Variants in ADCY2 observed in about 807,000 individuals in gnomAD.
ADCY2 encodes the protein adenylate cyclase type 2.
In ADCY2, 31 loss-of-function variants were observed where a neutral mutation model predicts 125.2. The ratio of observed to expected loss-of-function variants is 0.25; its 90% CI spans 0.19 to 0.33. The LOEUF (loss-of-function observed/expected upper bound fraction) is 0.33, where lower values mean the gene tolerates loss of function less well. Among genes scored for constraint, ADCY2 ranks in the 10% least tolerant of loss-of-function variants. ADCY2 has a pLI of 1.00. For missense variants in ADCY2, 904 were observed against 1,418.2 expected (o/e 0.64, Z 5.82); for synonymous variants, 512 against 548.4 (o/e 0.93, Z 0.93).
chr5:7,510,014 G>A (rs770395448), intron 2 of ADCY2, among the ~76,000 whole-genome samples: 20 of 152,260 alleles, frequency 1.3e-4, no homozygotes, highest in Non-Finnish European at 1.9e-4. Flanking sequence ...AGAGCTCTCC[G>A]TCAGTAAAAC....
chr5:7,437,071 C>T (rs566159962), intron 2 of ADCY2, among the ~76,000 whole-genome samples: 1 of 152,152 alleles, frequency 6.6e-6, no homozygotes, highest in Non-Finnish European at 1.5e-5. Context: ...GGGGCCCGTG[C>T]TTCCCTCCAT....
At chr5:7,776,897 T>TG (rs2126487787) in intron 18 of ADCY2, among the ~76,000 whole-genome samples, 2 of 152,310 alleles carry the variant, frequency 1.3e-5, no homozygotes, top group South Asian at 4.1e-4. Flanking sequence ...TCCAGGGTTC[T>TG]TAGTACAGAA....
At chr5:7,448,656 C>T (rs1286922113) in intron 2 of ADCY2, among the ~76,000 whole-genome samples, 4 of 152,038 alleles carry the variant, frequency 2.6e-5, no homozygotes, top group Non-Finnish European at 2.9e-5. Context: ...AACAGGTCCT[C>T]GTGTGTGTTG....
rs1579365956 is a variant in ADCY2 at position 7,730,215 on chromosome 5, C to A, written c.1871+2954C>A. On this transcript the variant is annotated intron_variant, in intron 14 of 24. Coordinates refer to ENST00000338316, the MANE Select transcript of ADCY2 (RefSeq NM_020546.3). ...CAAGTTGCTGCAAAAGATATTATTTCTTTTATTTTTTTGGCAGAGTAATTT... is the reference window on the plus strand; with the variant it reads ...CAAGTTGCTGCAAAAGATATTATTTATTTTATTTTTTTGGCAGAGTAATTT... 2.0e-5 allele frequency among the ~76,000 whole-genome samples: 3 copies of A among 152,266 alleles called. No homozygotes were observed. The East Asian group carries it at 5.8e-4, about 29-fold the overall frequency.
chr5:7,475,325 C>A (rs576879761), intron 2 of ADCY2, among the ~76,000 whole-genome samples: 15 of 151,710 alleles, frequency 9.9e-5, no homozygotes, highest in South Asian at 6.3e-4. Flanking sequence ...ATGGAGAGGG[C>A]GGATGTGAAG....
At chr5:7,397,264 G>C (rs1478238701) in intron 1 of ADCY2, among the ~76,000 whole-genome samples, 1 of 152,066 alleles carries the variant, frequency 6.6e-6, no homozygotes, top group African/African-American at 2.4e-5. Context: ...GCTGATGTCA[G>C]TTTTGCCAGT....
chr5:7,589,752 G>A (rs544084509), intron 3 of ADCY2, among the ~76,000 whole-genome samples: 29 of 152,240 alleles, frequency 1.9e-4, no homozygotes, highest in African/African-American at 6.3e-4. Context: ...CCAGGGCACA[G>A]AGATGGGCTG....
rs748295491 is a variant in ADCY2, at chr5:7,707,694, A to T, written c.1269-12A>T. On this transcript the variant is annotated splice_polypyrimidine_tract_variant and intron_variant, in intron 8 of 24. Coordinates refer to ENST00000338316, the MANE Select transcript of ADCY2 (RefSeq NM_020546.3). The stretch of plus-strand genomic sequence containing the variant: ...TTTATGTCTTGACTGTGATTTTAAA[A>T]TGCAATTTCAGACGTGTTCACATTT... The T allele has an allele frequency of 6.2e-7, 1 of 1,612,500 alleles. No individual in the cohort carries two copies. Among genetic ancestry groups the T allele is most frequent in the Admixed American group, 1.7e-5 (1 of 59,758 alleles).
chr5:7,537,074 A>G (rs1231702824), intron 3 of ADCY2, among the ~76,000 whole-genome samples: 1 of 152,154 alleles, frequency 6.6e-6, no homozygotes, highest in East Asian at 1.9e-4. Context: ...TAAAAGTCTC[A>G]CTGACTGTGT....
rs141233585 is a variant in ADCY2 at position 7,417,263 on chromosome 5, C to T, written c.408+2493C>T. 2.0e-5 allele frequency among the ~76,000 whole-genome samples: 3 copies of T among 151,994 alleles called. No homozygotes were observed. In the East Asian group the frequency reaches 5.8e-4, roughly 29 times the overall value. On this transcript the variant is annotated intron_variant, in intron 2 of 24. Transcript: ENST00000338316. ...TAAAGTCTTTTTGTTGTTTTATAAA[C>T]AGAATTTTAAAAATTACCTTTGCTA...
At chr5:7,704,818 C>T (rs1425200713) in intron 7 of ADCY2, among the ~76,000 whole-genome samples, 1 of 149,634 alleles carries the variant, frequency 6.7e-6, no homozygotes, top group African/African-American at 2.5e-5. Context: ...GCGGAGCTTG[C>T]AGTGAGCCGA....
At chr5:7,676,453 ATCT>A (rs1410777791) in intron 4 of ADCY2, among the ~76,000 whole-genome samples, 2 of 152,110 alleles carry the variant, frequency 1.3e-5, no homozygotes, top group Non-Finnish European at 2.9e-5. Flanking sequence ...TGTTTATTAA[ATCT>A]TCTCAAACCT....
intron 3 of ADCY2, among the ~76,000 whole-genome samples, chr5:7,529,389 AG>A (rs913075595): frequency 2.0e-5 from 3 of 152,106 alleles, no homozygotes; most frequent in African/African-American, 7.2e-5. Flanking sequence ...GAGCAGAGGG[AG>A]GGGATGTGCT....
chr5:7,821,630 C>T (rs898654337), intron 24 of ADCY2, among the ~76,000 whole-genome samples: 7 of 152,288 alleles, frequency 4.6e-5, no homozygotes, highest in Admixed American at 2.0e-4. Context: ...TGGAGATGAC[C>T]GTTAGCCACC....
intron 6 of ADCY2, among the ~76,000 whole-genome samples, chr5:7,697,372 G>A (rs543119905): frequency 5.8e-4 from 89 of 152,206 alleles, no homozygotes; most frequent in African/African-American, 2.1e-3. Flanking sequence ...GTGTGCCTTC[G>A]ATATGAGTTC....
chr5:7,667,240 C>T (rs2973330), intron 4 of ADCY2, among the ~76,000 whole-genome samples: 9,883 of 152,064 alleles, frequency 0.065, 723 homozygotes, highest in Admixed American at 0.24. Context: ...GGTGTCTCGG[C>T]GGGGATGACT....
intron 2 of ADCY2, among the ~76,000 whole-genome samples, chr5:7,475,707 C>T (rs530069766): frequency 3.9e-5 from 6 of 152,226 alleles, no homozygotes; most frequent in South Asian, 4.1e-4. Flanking sequence ...GGAGAACAAG[C>T]GTGACTTGTT....
rs1744702207 is a variant in ADCY2 at position 7,804,653 on chromosome 5, A to G, written c.2844A>G (p.Ala948=). 1 of 1,614,094 alleles carries G rather than the reference A, an allele frequency of 6.2e-7. No homozygotes were observed. Among genetic ancestry groups the G allele is most frequent in the Admixed American group, 1.7e-5 (1 of 60,010 alleles). The change falls in exon 22 of 25, where the codon GCA becomes GCG. Residue 948 remains alanine (A), a synonymous_variant. Transcript: ENST00000338316. The stretch of plus-strand genomic sequence containing the variant: ...CCATTGGCAGCACATACATGGCAGC[A>G]ACAGGTCTGAGCGCTGTGCCCAGCC... ...IKTIGSTYMA[A]TGLSAVPSQE... is the part of the protein sequence containing the mutation.
intron 17 of ADCY2, among the ~76,000 whole-genome samples, chr5:7,768,369 G>A (rs1229983608): frequency 1.3e-5 from 2 of 152,108 alleles, no homozygotes; most frequent in Non-Finnish European, 2.9e-5. Flanking sequence ...TTAAATTAAC[G>A]GTGTGGCCTG....
Sources: allele counts gnomAD v4.1 joint callset (sites outside exome capture counted in the v4.1 genomes callset), GRCh38; gene constraint gnomAD v4.1.1; transcripts MANE v1.5; gene names NCBI Gene and HGNC (gene_info 2026-07-23, HGNC 2026-07-21).